TRPM3: variants seen among roughly 807,000 people sequenced by gnomAD.
TRPM3 encodes long transient receptor potential channel 3.
A neutral mutation model predicts 181.2 loss-of-function variants in TRPM3; 77 were observed. That is an observed-to-expected ratio of 0.42 (90% CI 0.35 to 0.51). The LOEUF (loss-of-function observed/expected upper bound fraction) is 0.51. Ranked by LOEUF, TRPM3 falls within the 20% of genes least tolerant of loss-of-function variation. TRPM3 has a pLI of 0.01. For synonymous variants in TRPM3, 745 were observed against 796.4 expected, an observed-to-expected ratio of 0.94 and a Z score of 1.09; for missense variants, 1,759 against 2,196.7, an observed-to-expected ratio of 0.80 and a Z score of 3.98.
intron 1 of TRPM3, among the ~76,000 whole-genome samples, chr9:71,384,854 T>G (rs1184485629): frequency 5.3e-5 from 8 of 152,190 alleles, no homozygotes; most frequent in Non-Finnish European, 1.0e-4. Flanking sequence ...AAAGAAAGAT[T>G]ACTTCTAATG....
chr9:71,056,664 T>C (rs1048788099), intron 1 of TRPM3, among the ~76,000 whole-genome samples: 1 of 151,756 alleles, frequency 6.6e-6, no homozygotes, highest in African/African-American at 2.4e-5. Context: ...GAAGAAAAAA[T>C]TAGGACACAG....
At chr9:71,012,113 C>CT (rs1003575844) in intron 1 of TRPM3, among the ~76,000 whole-genome samples, 3 of 151,954 alleles carry the variant, frequency 2.0e-5, no homozygotes, top group African/African-American at 7.2e-5. Context: ...GTATGTTCCT[C>CT]TTTTTGTTTT....
At chr9:70,984,533 G>C (rs1202453020) in intron 1 of TRPM3, among the ~76,000 whole-genome samples, 2 of 152,168 alleles carry the variant, frequency 1.3e-5, no homozygotes, top group Admixed American at 1.3e-4. Flanking sequence ...GTTCTAACTG[G>C]ATTCATTAAA....
intron 1 of TRPM3, among the ~76,000 whole-genome samples, chr9:70,988,942 G>A (rs1188369878): frequency 6.6e-6 from 1 of 152,118 alleles, no homozygotes. Context: ...AATGTGAAAG[G>A]GTTTAGAGGG....
intron 1 of TRPM3, among the ~76,000 whole-genome samples, chr9:71,439,638 C>T (rs2094105200): frequency 6.6e-6 from 1 of 152,034 alleles, no homozygotes; most frequent in South Asian, 2.1e-4. Context: ...GGGATCCAGA[C>T]AATCAAGGAA....
chr9:70,688,205 C>G (rs1033313388), intron 8 of TRPM3, among the ~76,000 whole-genome samples: 5 of 152,094 alleles, frequency 3.3e-5, no homozygotes, highest in African/African-American at 1.2e-4. Flanking sequence ...CATATTAGGA[C>G]GTTTAAAGTG....
At chr9:70,758,927 A>T (rs1166935612) in intron 8 of TRPM3, among the ~76,000 whole-genome samples, 1 of 152,214 alleles carries the variant, frequency 6.6e-6, no homozygotes, top group Non-Finnish European at 1.5e-5. Context: ...ATGGGCAAGG[A>T]CTTCATGACT....
rs148589156 is a variant in TRPM3 at position 70,552,872 on chromosome 9, G to A, written c.3546C>T (p.Ser1182=). 2.8e-5 allele frequency: 45 copies of A among 1,613,970 alleles called. No individual in the cohort carries two copies. The highest frequency in any genetic ancestry group is 2.3e-4 in the Admixed American group (14 of 60,002). The change falls in exon 24 of 26, where the codon AGC becomes AGT. Residue 1182 remains serine, a synonymous_variant. Coordinates refer to ENST00000677713, the MANE Select transcript of TRPM3 (RefSeq NM_001366145.2). ...GGCCGTAGTCCCTTTCATCCGGGTC[G>A]CTCTCGTGTTTCCTCCATCGGCAGC... ...HLCCRWRKHE[S]DPDERDYGLK... is the part of the protein sequence containing the mutation.
intron 1 of TRPM3, among the ~76,000 whole-genome samples, chr9:70,940,028 G>C (rs2096870197): frequency 6.6e-6 from 1 of 152,158 alleles, no homozygotes; most frequent in South Asian, 2.1e-4. Context: ...TCTTGTTTGG[G>C]TGGCTTTAAC....
At position 71,233,219 on chromosome 9, in the gene TRPM3, T is replaced by C. The variant is rs150100023; in HGVS notation, c.183+213434A>G. Reference sequence around the variant, plus strand: ...GTCCTTTTCAAATCAAATGAATCATTTTCCCTCCTTTAAAATTCAAAAGGA... The same window carrying C: ...GTCCTTTTCAAATCAAATGAATCATCTTCCCTCCTTTAAAATTCAAAAGGA... On this transcript the variant is annotated intron_variant, in intron 1 of 24. Coordinates refer to the TRPM3 transcript ENST00000357533. 1.0e-3 allele frequency among the ~76,000 whole-genome samples: 152 copies of C among 152,306 alleles called. 1 individual carries two copies. The East Asian group carries it at 0.023, about 23-fold the overall frequency.
chr9:70,667,297 G>GT (rs1193930625), intron 9 of TRPM3, among the ~76,000 whole-genome samples: 2 of 152,066 alleles, frequency 1.3e-5, no homozygotes, highest in African/African-American at 2.4e-5. Context: ...AATCTTTTGT[G>GT]TGAGTGTCTT....
chr9:70,950,696 A>G (rs747910854), intron 1 of TRPM3, among the ~76,000 whole-genome samples: 1 of 152,194 alleles, frequency 6.6e-6, no homozygotes, highest in Non-Finnish European at 1.5e-5. Context: ...ATTAGAAACT[A>G]TGAATTCACT....
intron 8 of TRPM3, among the ~76,000 whole-genome samples, chr9:70,756,439 T>TA (rs911561473): frequency 6.6e-6 from 1 of 151,818 alleles, no homozygotes; most frequent in Admixed American, 6.6e-5. Flanking sequence ...ATCAATGAGA[T>TA]AAAAAAATAA....
chr9:71,190,781 T>A (rs548388268), intron 1 of TRPM3, among the ~76,000 whole-genome samples: 1 of 151,970 alleles, frequency 6.6e-6, no homozygotes, highest in East Asian at 1.9e-4. Context: ...CTAATCCACC[T>A]GTTACATAAC....
intron 1 of TRPM3, among the ~76,000 whole-genome samples, chr9:71,338,784 T>C (rs569014738): frequency 1.6e-4 from 24 of 152,288 alleles, no homozygotes; most frequent in South Asian, 1.0e-3. Flanking sequence ...TCTCTCAGTC[T>C]TAGAGTCAGC....
At chr9:71,406,079 T>C (rs1400072269) in intron 1 of TRPM3, among the ~76,000 whole-genome samples, 1 of 152,064 alleles carries the variant, frequency 6.6e-6, no homozygotes, top group Non-Finnish European at 1.5e-5. Flanking sequence ...ATCGAGACCA[T>C]CCTGGCTAAC....
chr9:71,352,494 T>C (rs1280163810), intron 1 of TRPM3, among the ~76,000 whole-genome samples: 5 of 152,160 alleles, frequency 3.3e-5, no homozygotes, highest in African/African-American at 4.8e-5. Flanking sequence ...AAATGGGATA[T>C]GCTATTCCAG....
chr9:71,222,076 A>T (rs1666376250), intron 1 of TRPM3, among the ~76,000 whole-genome samples: 1 of 152,222 alleles, frequency 6.6e-6, no homozygotes, highest in Admixed American at 6.5e-5. Flanking sequence ...GATACCTCCC[A>T]CAGGTTTTGC....
chr9:71,184,929 G>T (rs1180873683), intron 1 of TRPM3, among the ~76,000 whole-genome samples: 1 of 152,146 alleles, frequency 6.6e-6, no homozygotes, highest in Admixed American at 6.6e-5. Context: ...GAAATAGGCT[G>T]TCAACACACA....
Sources: gnomAD v4.1 joint callset for allele counts (sites outside exome capture counted in the v4.1 genomes callset) on GRCh38, gnomAD v4.1.1 for gene constraint, MANE v1.5 for transcripts, NCBI Gene and HGNC (gene_info 2026-07-23, HGNC 2026-07-21) for gene names.